FILIP1L: variants seen among roughly 807,000 people sequenced by gnomAD.
FILIP1L encodes the protein filamin A-interacting protein 1-like.
A neutral mutation model predicts 96.6 loss-of-function variants in FILIP1L; 55 were observed. That is an observed-to-expected ratio of 0.57 (90% CI 0.46 to 0.71). The LOEUF (loss-of-function observed/expected upper bound fraction) is 0.71, where lower values mean the gene tolerates loss of function less well. Ranked by LOEUF, FILIP1L falls within the 30% of genes least tolerant of loss-of-function variation. The pLI, the probability that FILIP1L is intolerant of heterozygous loss-of-function variation, is 0.00. For missense variants in FILIP1L, 1,304 were observed against 1,321.2 expected (o/e 0.99, Z 0.20); for synonymous variants, 467 against 473.9 (o/e 0.99, Z 0.19).
intron 1 of FILIP1L, among the ~76,000 whole-genome samples, chr3:100,029,458 C>A (rs954275388): frequency 4.6e-5 from 7 of 152,038 alleles, no homozygotes; most frequent in African/African-American, 1.7e-4. Flanking sequence ...GCATTTGCAA[C>A]CTTTGCCAAG....
intron 1 of FILIP1L, among the ~76,000 whole-genome samples, chr3:100,050,974 A>C (rs1034187496): frequency 5.3e-5 from 8 of 152,192 alleles, no homozygotes; most frequent in Admixed American, 3.3e-4. Context: ...CCTCTACCAA[A>C]CTATTTTCAC....
intron 1 of FILIP1L, among the ~76,000 whole-genome samples, chr3:99,984,048 A>ATGTGTGTGTG (rs367846393): frequency 2.6e-4 from 38 of 147,680 alleles, no homozygotes; most frequent in Non-Finnish European, 2.2e-4. Flanking sequence ...AAGGATGTAT[A>ATGTGTGTGTG]TGTATGTGTG....
intron 1 of FILIP1L, among the ~76,000 whole-genome samples, chr3:99,963,339 A>AAT (rs1239271698): frequency 6.6e-6 from 1 of 152,332 alleles, no homozygotes; most frequent in East Asian, 1.9e-4. Context: ...GATGAAGATA[A>AAT]ATAAGAGAAA....
intron 1 of FILIP1L, among the ~76,000 whole-genome samples, chr3:100,012,935 A>G (rs1259147839): frequency 1.3e-5 from 2 of 151,038 alleles, no homozygotes; most frequent in Admixed American, 6.6e-5. Context: ...ACCACACCCA[A>G]CCAATTTTTT....
At chr3:99,880,074 C>T (rs1047599996) in intron 4 of FILIP1L, among the ~76,000 whole-genome samples, 1 of 152,148 alleles carries the variant, frequency 6.6e-6, no homozygotes, top group Non-Finnish European at 1.5e-5. Flanking sequence ...TTCTACTCTC[C>T]GATCCCTTCT....
intron 1 of FILIP1L, among the ~76,000 whole-genome samples, chr3:100,001,721 G>A (rs1192905191): frequency 6.6e-6 from 1 of 152,072 alleles, no homozygotes; most frequent in Admixed American, 6.6e-5. Flanking sequence ...ATGTGGCCAA[G>A]GTTTTCAAAA....
intron 1 of FILIP1L, among the ~76,000 whole-genome samples, chr3:100,090,528 C>G (rs9824430): frequency 0.85 from 129,818 of 152,120 alleles, 55,541 homozygotes; most frequent in African/African-American, 0.91. Flanking sequence ...CTTGCCCAGG[C>G]CCTCCCAGTG....
chr3:99,995,770 T>C (rs370042245), intron 1 of FILIP1L, among the ~76,000 whole-genome samples: 25 of 152,348 alleles, frequency 1.6e-4, no homozygotes, highest in East Asian at 1.5e-3. Flanking sequence ...TCTTGTACCC[T>C]CTGAAGCCAC....
chr3:100,111,627 A>G (rs1220046044), intron 1 of FILIP1L, among the ~76,000 whole-genome samples: 2 of 152,080 alleles, frequency 1.3e-5, no homozygotes, highest in African/African-American at 4.8e-5. Context: ...ATTGACCATC[A>G]GATTAAACAG....
chr3:99,960,756 C>T (rs1331775283), intron 1 of FILIP1L, among the ~76,000 whole-genome samples: 1 of 152,080 alleles, frequency 6.6e-6, no homozygotes, highest in Non-Finnish European at 1.5e-5. Flanking sequence ...GTAGTATTTT[C>T]TGTTATTGAT....
chr3:100,103,401 G>A (rs1411818052), intron 1 of FILIP1L, among the ~76,000 whole-genome samples: 2 of 152,218 alleles, frequency 1.3e-5, no homozygotes, highest in East Asian at 3.8e-4. Flanking sequence ...ACAAGTACTG[G>A]CATGAAAGCA....
intron 1 of FILIP1L, among the ~76,000 whole-genome samples, chr3:100,101,365 CT>C (rs2066302139): frequency 6.6e-6 from 1 of 152,110 alleles, no homozygotes; most frequent in African/African-American, 2.4e-5. Context: ...TGGGAAGAAG[CT>C]TTGATATTTG....
At chr3:99,938,099 A>T (rs1707746232) in intron 1 of FILIP1L, among the ~76,000 whole-genome samples, 1 of 152,006 alleles carries the variant, frequency 6.6e-6, no homozygotes, top group Admixed American at 6.5e-5. Context: ...GCGTGCATGC[A>T]CACTCGTGCT....
At chr3:99,960,205 C>G (rs1415334646) in intron 1 of FILIP1L, among the ~76,000 whole-genome samples, 2 of 152,122 alleles carry the variant, frequency 1.3e-5, no homozygotes, top group African/African-American at 4.8e-5. Flanking sequence ...ATCTTGGAAA[C>G]GGCAGTTTCT....
chr3:99,936,369 CTTT>C (rs548149257), intron 1 of FILIP1L, among the ~76,000 whole-genome samples: 13 of 86,364 alleles, frequency 1.5e-4, no homozygotes, highest in African/African-American at 5.7e-4. Context: ...AGCTTGAAGC[CTTT>C]TTTTTTTTTT....
At chr3:100,079,052 G>A (rs2065894217) in intron 1 of FILIP1L, among the ~76,000 whole-genome samples, 1 of 152,156 alleles carries the variant, frequency 6.6e-6, no homozygotes, top group Non-Finnish European at 1.5e-5. Flanking sequence ...CAAATGAGGT[G>A]GGCAAGACCT....
At chr3:100,074,674 G>GA (rs2065818526) in intron 1 of FILIP1L, among the ~76,000 whole-genome samples, 7 of 25,126 alleles carry the variant, frequency 2.8e-4, no homozygotes, top group Admixed American at 1.2e-3. Flanking sequence ...TGCAACATTT[G>GA]ATTTTTTTTT....
At chr3:99,877,555 C>T (rs190010799) in intron 4 of FILIP1L, among the ~76,000 whole-genome samples, 1 of 152,290 alleles carries the variant, frequency 6.6e-6, no homozygotes, top group African/African-American at 2.4e-5. Context: ...ATACAGTATA[C>T]TAAGAGATGT....
Position 99,848,960 on chromosome 3 carries a change from C to T in FILIP1L, c.2716G>A (p.Val906Ile), listed in dbSNP as rs202229023. 3.1e-6 allele frequency: 5 copies of T among 1,613,922 alleles called. No individual in the cohort carries two copies. The African/African-American group carries it at 5.3e-5, about 17-fold the overall frequency. Residue 906 changes from valine to isoleucine, a missense_variant, in exon 5 of 6, where the codon GTT becomes ATT. By Grantham distance (29) the Val-to-Ile change is conservative (BLOSUM62 3). Transcript: ENST00000477258. Reference protein sequence around the residue: ...HTPGQPLHIKVTPDHVQNTAT... With the variant: ...HTPGQPLHIKITPDHVQNTAT... ...GTGTTTTGTACATGGTCTGGAGTAA[C>T]CTTTATATGAAGTGGCTGCCCAGGT...
Sources: gnomAD v4.1 joint callset for allele counts (sites outside exome capture counted in the v4.1 genomes callset) on GRCh38, gnomAD v4.1.1 for gene constraint, MANE v1.5 for transcripts, NCBI Gene and HGNC (gene_info 2026-07-23, HGNC 2026-07-21) for gene names.